C11orf65: variants seen among roughly 807,000 people sequenced by gnomAD.
C11orf65 encodes the protein protein MFI.
In C11orf65, 38 loss-of-function variants were observed where a neutral mutation model predicts 35.3. The observed-to-expected ratio is 1.08, with a 90% CI of 0.83 to 1.41. The LOEUF is 1.41. C11orf65 is among the 40% of genes most tolerant of loss of function. The pLI, the probability that C11orf65 is intolerant of heterozygous loss-of-function variation, is 0.00. For missense variants in C11orf65, 370 were observed against 367.1 expected, an observed-to-expected ratio of 1.01 and a Z score of -0.06; for synonymous variants, 105 against 114.4, an observed-to-expected ratio of 0.92 and a Z score of 0.53.
chr11:108,463,065 G>A (rs2093491299), intron 1 of C11orf65, among the ~76,000 whole-genome samples: 1 of 152,192 alleles, frequency 6.6e-6, no homozygotes, highest in South Asian at 2.1e-4. Flanking sequence ...GTTCAAAACT[G>A]CAGTGAGCTA....
chr11:108,362,875 A>C (rs1410280784), intron 2 of C11orf65, among the ~76,000 whole-genome samples: 1 of 151,676 alleles, frequency 6.6e-6, no homozygotes. Context: ...GGTGCAGCGC[A>C]CCAGCATGGC....
At chr11:108,389,473 T>C (rs1012575468) in intron 7 of C11orf65, among the ~76,000 whole-genome samples, 14 of 152,112 alleles carry the variant, frequency 9.2e-5, no homozygotes, top group Non-Finnish European at 1.6e-4. Context: ...TTGCTAAGAG[T>C]CCATGTTGGT....
intron 2 of C11orf65, chr11:108,355,889 C>G (rs2137397364): frequency 6.6e-6 from 1 of 152,316 alleles, no homozygotes; most frequent in South Asian, 2.1e-4. Flanking sequence ...GTCCTGTGTG[C>G]ACCTTTATGA....
intron 2 of C11orf65, among the ~76,000 whole-genome samples, chr11:108,375,884 AAAG>A (rs2091709665): frequency 6.6e-6 from 1 of 152,208 alleles, no homozygotes; most frequent in Admixed American, 6.5e-5. Flanking sequence ...CAAAAGAAAC[AAAG>A]AAGGCCATTA....
At chr11:108,379,672 G>C (rs2091823505), downstream of C11orf65, among the ~76,000 whole-genome samples, 1 of 151,640 alleles carries the variant, frequency 6.6e-6, no homozygotes, top group African/African-American at 2.4e-5. Context: ...CATAGCTCCT[G>C]GGTTTATTTA....
intron 6 of C11orf65, among the ~76,000 whole-genome samples, chr11:108,323,995 G>T (rs2085421239): frequency 2.6e-5 from 4 of 152,010 alleles, no homozygotes; most frequent in Admixed American, 2.6e-4. Context: ...GTATACAGTT[G>T]AAATTCTTTA....
chr11:108,406,130 G>A (rs1025178238), intron 5 of C11orf65, among the ~76,000 whole-genome samples: 4 of 152,212 alleles, frequency 2.6e-5, no homozygotes, highest in Non-Finnish European at 1.5e-5. Context: ...TTACCACACT[G>A]TACTGAAATA....
intron 5 of C11orf65, 66 bp from the exon 6 acceptor site, chr11:108,405,625 G>A (rs1165436087): frequency 1.3e-6 from 2 of 1,495,936 alleles, no homozygotes; most frequent in Non-Finnish European, 9.2e-7. Context: ...TCTGGCAATA[G>A]ACAAGAACTT....
chr11:108,463,398 A>G (rs1339075601), intron 1 of C11orf65, among the ~76,000 whole-genome samples: 1 of 152,128 alleles, frequency 6.6e-6, no homozygotes, highest in Non-Finnish European at 1.5e-5. Context: ...TAATTTGGTA[A>G]ATTGTTGTTT....
rs200208296 is a variant in C11orf65, at chr11:108,393,276, C to A, written c.663G>T (p.Gly221=). The A allele has an allele frequency of 3.1e-6, 5 of 1,614,014 alleles. No homozygotes were observed. The South Asian group carries it at 3.3e-5, about 11-fold the overall frequency. Residue 221 remains glycine (G), a synonymous_variant, in exon 7 of 9, where the codon GGG becomes GGT. Coordinates refer to ENST00000393084, the MANE Select transcript of C11orf65 (RefSeq NM_152587.5). ...KGLIRAFEDG[G]IDSVMEWEVD... ...CTTCCCATTCCATCACAGAATCTAT[C>A]CCCCCATCTTCAAAAGCTCTAATCA...
At chr11:108,436,730 T>C (rs2093064740) in intron 2 of C11orf65, among the ~76,000 whole-genome samples, 1 of 151,998 alleles carries the variant, frequency 6.6e-6, no homozygotes, top group African/African-American at 2.4e-5. Context: ...AGAAAATAAA[T>C]ACCACAATAC....
chr11:108,420,626 CCTT>C (rs1206946173), intron 3 of C11orf65, among the ~76,000 whole-genome samples: 1 of 152,116 alleles, frequency 6.6e-6, no homozygotes, highest in Non-Finnish European at 1.5e-5. Context: ...GGTAGTAAAT[CCTT>C]CTTAAAGAGG....
At chr11:108,392,388 T>A (rs1281931620) in intron 7 of C11orf65, among the ~76,000 whole-genome samples, 2 of 148,960 alleles carry the variant, frequency 1.3e-5, no homozygotes, top group Non-Finnish European at 3.0e-5. Context: ...AGATCTATCA[T>A]ATTTCATTTA....
At chr11:108,381,848 A>C (rs2091870583), downstream of C11orf65, among the ~76,000 whole-genome samples, 1 of 152,182 alleles carries the variant, frequency 6.6e-6, no homozygotes. Flanking sequence ...GCTGGACTTG[A>C]TGCATTTCTA....
At chr11:108,375,986 C>G (rs2091712324) in intron 2 of C11orf65, among the ~76,000 whole-genome samples, 1 of 152,156 alleles carries the variant, frequency 6.6e-6, no homozygotes, top group Non-Finnish European at 1.5e-5. Flanking sequence ...ATTCATAAAG[C>G]AAGTCCTGAG....
At chr11:108,363,431 T>G (rs928593305) in intron 2 of C11orf65, among the ~76,000 whole-genome samples, 1 of 152,232 alleles carries the variant, frequency 6.6e-6, no homozygotes, top group Non-Finnish European at 1.5e-5. Flanking sequence ...TTATGTGTTA[T>G]GCTAAGGAAA....
At chr11:108,468,073 C>G (rs1199667198), upstream of C11orf65, among the ~76,000 whole-genome samples, 2 of 151,596 alleles carry the variant, frequency 1.3e-5, no homozygotes, top group East Asian at 1.9e-4. Flanking sequence ...CTCCAGCGAT[C>G]CCCCCCTACC....
intron 8 of C11orf65, among the ~76,000 whole-genome samples, chr11:108,383,512 C>A (rs1407239341): frequency 6.6e-6 from 1 of 152,222 alleles, no homozygotes; most frequent in African/African-American, 2.4e-5. Context: ...CATATTCCTG[C>A]AAGAGTTAAA....
At chr11:108,438,518 T>A (rs2093100947) in intron 2 of C11orf65, among the ~76,000 whole-genome samples, 1 of 150,754 alleles carries the variant, frequency 6.6e-6, no homozygotes, top group Middle Eastern at 3.2e-3. Context: ...GTCACTGCAC[T>A]CCAGCTTGGG....
Sources: gnomAD v4.1 joint callset for allele counts (sites outside exome capture counted in the v4.1 genomes callset) on GRCh38, gnomAD v4.1.1 for gene constraint, MANE v1.5 for transcripts, NCBI Gene and HGNC (gene_info 2026-07-23, HGNC 2026-07-21) for gene names.